Variants in SLC25A26 observed in about 807,000 individuals in gnomAD.
SLC25A26 encodes mitochondrial S-adenosylmethionine carrier protein.
Under a neutral mutation model 37.8 loss-of-function variants are expected in SLC25A26, and 36 were observed. The observed-to-expected ratio is 0.95, with a 90% CI of 0.73 to 1.26. The LOEUF is 1.26. Among genes scored for constraint, SLC25A26 ranks in the 50% most tolerant of loss-of-function variants. The pLI, the probability that SLC25A26 is intolerant of heterozygous loss-of-function variation, is 0.00. For missense variants in SLC25A26, 390 were observed against 331.1 expected, an observed-to-expected ratio of 1.18 and a Z score of -1.38; for synonymous variants, 129 against 122.5, an observed-to-expected ratio of 1.05 and a Z score of -0.35.
At chr3:66,341,591 C>G (rs1360244030) in intron 5 of SLC25A26, among the ~76,000 whole-genome samples, 1 of 152,196 alleles carries the variant, frequency 6.6e-6, no homozygotes. Context: ...GCCTTGAAAT[C>G]TGAAAGATTT....
At chr3:66,374,701 T>C (rs1700542496) in intron 9 of SLC25A26, among the ~76,000 whole-genome samples, 1 of 152,120 alleles carries the variant, frequency 6.6e-6, no homozygotes, top group Non-Finnish European at 1.5e-5. Context: ...CTAGGCAACA[T>C]GCCAAACCCT....
intron 2 of SLC25A26, among the ~76,000 whole-genome samples, chr3:66,242,544 T>G (rs532961341): frequency 6.6e-6 from 1 of 152,228 alleles, no homozygotes; most frequent in Non-Finnish European, 1.5e-5. Context: ...TGTCATTCCT[T>G]TATCTCTTGT....
At chr3:66,209,042 A>ATGTATG (rs1468914938) in intron 1 of SLC25A26, among the ~76,000 whole-genome samples, 6 of 22,520 alleles carry the variant, frequency 2.7e-4, no homozygotes, top group Non-Finnish European at 4.3e-4. Context: ...ATAAAGGTGT[A>ATGTATG]TATATATATA....
intron 1 of SLC25A26, among the ~76,000 whole-genome samples, chr3:66,194,454 G>A (rs1000105953): frequency 7.2e-5 from 11 of 152,304 alleles, no homozygotes; most frequent in African/African-American, 2.6e-4. Flanking sequence ...CTTATCATCT[G>A]TAGTCCTCAA....
chr3:66,371,133 C>T, intron 9 of SLC25A26: 12 of 1,426,804 alleles, frequency 8.4e-6, no homozygotes, highest in Non-Finnish European at 1.1e-5. Flanking sequence ...TGCTTTGACA[C>T]CATAAACTTG....
At chr3:66,352,521 T>C (rs1479634573) in intron 6 of SLC25A26, among the ~76,000 whole-genome samples, 1 of 151,948 alleles carries the variant, frequency 6.6e-6, no homozygotes, top group Non-Finnish European at 1.5e-5. Context: ...CTTCATTCTA[T>C]ATACATCATT....
rs1576648946 is a variant in SLC25A26, at chr3:66,221,020, C to G, written c.-75C>G. 12 of 1,479,764 alleles carry G rather than the reference C, an allele frequency of 8.1e-6. No individual in the cohort carries two copies. The East Asian group carries it at 1.7e-4, about 21-fold the overall frequency. The allele number at this position is 1,479,764 out of a possible 1,614,324, so 91.7% of individuals were successfully genotyped here. ...CAAGACAGACCCGCCTCAAACATGG[C>G]GGCGCCCAGCGCGCGAGGACGTGAT... On this transcript the variant is annotated 5_prime_UTR_variant, in exon 1 of 10. Transcript: ENST00000354883.
intron 1 of SLC25A26, among the ~76,000 whole-genome samples, chr3:66,140,899 A>C (rs972492060): frequency 2.0e-5 from 3 of 152,150 alleles, no homozygotes; most frequent in African/African-American, 7.2e-5. Context: ...GTCCCTTGCA[A>C]GACTTTAGAA....
At chr3:66,227,054 G>A (rs1336309023) in intron 1 of SLC25A26, among the ~76,000 whole-genome samples, 3 of 152,188 alleles carry the variant, frequency 2.0e-5, no homozygotes, top group South Asian at 4.1e-4. Context: ...GCCTTGGCAA[G>A]TTGTCATACT....
chr3:66,221,287 C>T (rs535741126), intron 1 of SLC25A26, 160 bp downstream of exon 1: 18 of 325,944 alleles, frequency 5.5e-5, no homozygotes, highest in East Asian at 3.4e-4. Flanking sequence ...TCCCAGGCCA[C>T]CGGCGGGCCA....
At chr3:66,217,916 C>T (rs1262840114), upstream of SLC25A26, among the ~76,000 whole-genome samples, 1 of 152,200 alleles carries the variant, frequency 6.6e-6, no homozygotes, top group Non-Finnish European at 1.5e-5. Flanking sequence ...AGTAAATGTA[C>T]ACACCCATGC....
chr3:66,192,799 G>A (rs1485314608), intron 1 of SLC25A26, among the ~76,000 whole-genome samples: 1 of 152,076 alleles, frequency 6.6e-6, no homozygotes, highest in African/African-American at 2.4e-5. Context: ...AAATGTCAGT[G>A]GGTTAACAAA....
chr3:66,276,730 A>G lies in SLC25A26; in HGVS notation c.453+13351A>G, dbSNP rs75193937. Among the ~76,000 whole-genome samples the G allele has an allele frequency of 3.1e-3, 465 of 152,206 alleles. 4 individuals carry two copies. The highest frequency in any genetic ancestry group is 0.017 in the East Asian group (90 of 5,182). ...TGGCCTTGAAGTGGTTTTGGTATACATAGCCAAGTAACTAGCAGATAATTT... is the reference window on the plus strand; with the variant it reads ...TGGCCTTGAAGTGGTTTTGGTATACGTAGCCAAGTAACTAGCAGATAATTT... On this transcript the variant is annotated intron_variant, in intron 5 of 9. Transcript: ENST00000354883.
At chr3:66,205,543 A>T (rs1263848284) in intron 1 of SLC25A26, among the ~76,000 whole-genome samples, 1 of 152,224 alleles carries the variant, frequency 6.6e-6, no homozygotes, top group African/African-American at 2.4e-5. Flanking sequence ...AATATCAACT[A>T]TGCCAGTGCT....
At position 66,366,893 on chromosome 3, in the gene SLC25A26, T is replaced by G. The variant is rs137980000; in HGVS notation, c.569-2585T>G. 1.0e-3 allele frequency among the ~76,000 whole-genome samples: 159 copies of G among 152,338 alleles called. 2 individuals carry two copies. In the East Asian group the frequency reaches 0.026, roughly 25 times the overall value. ...GTGGCCTGGGCAAGTAAGTTGGTTG[T>G]AAAATGAGAATAGTAACACCTATGC... On this transcript the variant is annotated intron_variant, in intron 7 of 9. Coordinates refer to ENST00000354883, the MANE Select transcript of SLC25A26 (RefSeq NM_001379210.1).
At chr3:66,300,562 T>TGCTC (rs2075047853) in intron 5 of SLC25A26, among the ~76,000 whole-genome samples, 1 of 152,200 alleles carries the variant, frequency 6.6e-6, no homozygotes, top group African/African-American at 2.4e-5. Flanking sequence ...GTGTCGCTGA[T>TGCTC]GCTCGTTTTT....
intron 2 of SLC25A26, among the ~76,000 whole-genome samples, chr3:66,239,456 A>G (rs1361147763): frequency 6.6e-6 from 1 of 152,126 alleles, no homozygotes; most frequent in Non-Finnish European, 1.5e-5. Context: ...TCTGCTCAAT[A>G]ATTTACTTAA....
chr3:66,255,613 A>G (rs1433054095), intron 3 of SLC25A26, among the ~76,000 whole-genome samples: 1 of 152,042 alleles, frequency 6.6e-6, no homozygotes, highest in Non-Finnish European at 1.5e-5. Flanking sequence ...ATGGATTCAT[A>G]CTGAACCTCA....
At chr3:66,298,128 G>A (rs1001257234) in intron 5 of SLC25A26, among the ~76,000 whole-genome samples, 1 of 152,154 alleles carries the variant, frequency 6.6e-6, no homozygotes, top group Non-Finnish European at 1.5e-5. Flanking sequence ...CAGAATTTGT[G>A]TTATACACCC....
Sources: gnomAD v4.1 joint callset for allele counts (sites outside exome capture counted in the v4.1 genomes callset) on GRCh38, gnomAD v4.1.1 for gene constraint, MANE v1.5 for transcripts, NCBI Gene and HGNC (gene_info 2026-07-23, HGNC 2026-07-21) for gene names.